Variants in ITFG1 observed in about 807,000 individuals in gnomAD.
ITFG1 encodes T-cell immunomodulatory protein.
In ITFG1, 34 loss-of-function variants were observed where a neutral mutation model predicts 81.8. The observed-to-expected ratio is 0.42, with a 90% CI of 0.32 to 0.55. The LOEUF (loss-of-function observed/expected upper bound fraction) is 0.55. ITFG1 is among the 20% of genes least tolerant of loss of function. The probability of loss-of-function intolerance (pLI) is 0.17; values close to 1 mark genes in which losing one functional copy is unlikely to be tolerated. For missense variants in ITFG1, 672 were observed against 755.4 expected (o/e 0.89, Z 1.29); for synonymous variants, 285 against 270.6 (o/e 1.05, Z -0.52).
chr16:47,176,364 A>T (rs769412078), intron 14 of ITFG1, among the ~76,000 whole-genome samples: 1 of 150,348 alleles, frequency 6.7e-6, no homozygotes, highest in African/African-American at 2.4e-5. Context: ...ATAAAAGACA[A>T]TTTTTTTTTT....
At chr16:47,396,820 T>C (rs1290304922) in intron 6 of ITFG1, among the ~76,000 whole-genome samples, 1 of 152,062 alleles carries the variant, frequency 6.6e-6, no homozygotes, top group East Asian at 1.9e-4. Flanking sequence ...AGAGTGGCTA[T>C]GTGACTGGTG....
intron 10 of ITFG1, among the ~76,000 whole-genome samples, chr16:47,272,170 T>C (rs1488358876): frequency 6.6e-6 from 1 of 152,160 alleles, no homozygotes; most frequent in Non-Finnish European, 1.5e-5. Context: ...GTAACACATA[T>C]TGTATAACTG....
intron 17 of ITFG1, among the ~76,000 whole-genome samples, chr16:47,157,785 A>G (rs374433849): frequency 6.6e-6 from 1 of 152,222 alleles, no homozygotes; most frequent in African/African-American, 2.4e-5. Flanking sequence ...AAACACGGTA[A>G]TTCTAGCAAA....
chr16:47,351,178 A>C (rs980656372), intron 8 of ITFG1, among the ~76,000 whole-genome samples: 70 of 152,224 alleles, frequency 4.6e-4, no homozygotes, highest in Non-Finnish European at 7.1e-4. Context: ...TCTCACCACT[A>C]ATATTCAACA....
chr16:47,180,419 C>T (rs557112152), intron 14 of ITFG1, among the ~76,000 whole-genome samples: 5 of 152,120 alleles, frequency 3.3e-5, no homozygotes, highest in Non-Finnish European at 2.9e-5. Context: ...TCCACGGTCT[C>T]CCTCTGATGC....
intron 12 of ITFG1, among the ~76,000 whole-genome samples, chr16:47,254,226 T>A (rs191451909): frequency 2.1e-4 from 32 of 152,062 alleles, no homozygotes; most frequent in Non-Finnish European, 4.1e-4. Flanking sequence ...GTTTTTGTAA[T>A]TAAAAAAAAT....
At chr16:47,255,353 AT>A (rs1966127726) in intron 12 of ITFG1, among the ~76,000 whole-genome samples, 1 of 152,118 alleles carries the variant, frequency 6.6e-6, no homozygotes, top group Admixed American at 6.5e-5. Context: ...AGCCTGAGAA[AT>A]TACGTAAATT....
In ITFG1 at chr16:47,460,935, G is replaced by A. The variant is rs1196327308; in HGVS notation, c.111C>T (p.Val37=). ...GPVPARALHN[V]TAELFGAEAW... is the part of the protein sequence containing the mutation. Reference sequence around the variant, plus strand: ...CCTCGGCCCCAAAGAGCTCGGCCGTGACGTTGTGCAGCGCCCGCGCTGGGA... The same window carrying A: ...CCTCGGCCCCAAAGAGCTCGGCCGTAACGTTGTGCAGCGCCCGCGCTGGGA... Residue 37 remains valine, a synonymous_variant, in exon 1 of 18, where the codon GTC becomes GTT. Coordinates refer to ENST00000320640, the MANE Select transcript of ITFG1 (RefSeq NM_030790.5). The A allele has an allele frequency of 6.2e-7, 1 of 1,612,182 alleles. No individual in the cohort carries two copies.
At chr16:47,368,368 A>G (rs1968205496) in intron 7 of ITFG1, among the ~76,000 whole-genome samples, 1 of 151,800 alleles carries the variant, frequency 6.6e-6, no homozygotes, top group African/African-American at 2.4e-5. Flanking sequence ...CCTGGCCAAC[A>G]TGATGAAACC....
At chr16:47,261,070 C>T (rs562162966) in intron 10 of ITFG1, among the ~76,000 whole-genome samples, 2 of 152,302 alleles carry the variant, frequency 1.3e-5, no homozygotes, top group East Asian at 1.9e-4. Context: ...ACTAGAATGT[C>T]TCATAAACTC....
chr16:47,338,220 G>A (rs1333309396), intron 8 of ITFG1, among the ~76,000 whole-genome samples: 1 of 152,184 alleles, frequency 6.6e-6, no homozygotes, highest in Non-Finnish European at 1.5e-5. Flanking sequence ...GAACTGCCTG[G>A]CCAACATGGT....
At chr16:47,213,814 G>A (rs969726784) in intron 14 of ITFG1, among the ~76,000 whole-genome samples, 2 of 152,118 alleles carry the variant, frequency 1.3e-5, no homozygotes, top group African/African-American at 4.8e-5. Flanking sequence ...CTTACCTTAT[G>A]TATTTCTTCA....
intron 10 of ITFG1, among the ~76,000 whole-genome samples, chr16:47,305,121 A>C (rs1387534341): frequency 2.0e-5 from 3 of 152,210 alleles, no homozygotes; most frequent in Non-Finnish European, 4.4e-5. Flanking sequence ...TGTATAAGTA[A>C]TGAAATTTAC....
At chr16:47,201,207 AT>A (rs765492131) in intron 14 of ITFG1, among the ~76,000 whole-genome samples, 13,260 of 139,708 alleles carry the variant, frequency 0.095, 919 homozygotes, top group African/African-American at 0.24. Context: ...ATTTAGGAGA[AT>A]TTTTTTTTTT....
At chr16:47,402,059 C>T (rs1024482582) in intron 6 of ITFG1, among the ~76,000 whole-genome samples, 2 of 152,134 alleles carry the variant, frequency 1.3e-5, no homozygotes, top group Non-Finnish European at 2.9e-5. Context: ...AGGGCAGAGA[C>T]GTCTAGTTTT....
rs541734714 is a variant in ITFG1 at position 47,353,417 on chromosome 16, A to G, written c.802+12371T>C. 2.0e-5 allele frequency among the ~76,000 whole-genome samples: 3 copies of G among 152,258 alleles called. No individual in the cohort carries two copies. The East Asian group carries it at 5.8e-4, about 29-fold the overall frequency. ...TGTACCTCAACACAATAAAAACCAT[A>G]TATGACAAACCTACAGCTAACATCA... On this transcript the variant is annotated intron_variant, in intron 8 of 17. Transcript: ENST00000320640.
At chr16:47,200,701 C>A (rs889697148) in intron 14 of ITFG1, among the ~76,000 whole-genome samples, 1 of 152,120 alleles carries the variant, frequency 6.6e-6, no homozygotes, top group African/African-American at 2.4e-5. Flanking sequence ...TAAGATTTCT[C>A]AGGCTCTTTG....
At chr16:47,434,875 G>A (rs767493454) in intron 5 of ITFG1, among the ~76,000 whole-genome samples, 4 of 152,200 alleles carry the variant, frequency 2.6e-5, no homozygotes, top group Non-Finnish European at 5.9e-5. Flanking sequence ...GTCCTCTGCA[G>A]GGACATGAAT....
chr16:47,347,503 G>A (rs1453700222), intron 8 of ITFG1, among the ~76,000 whole-genome samples: 1 of 152,354 alleles, frequency 6.6e-6, no homozygotes, highest in Middle Eastern at 3.4e-3. Context: ...CGGGAGGGGC[G>A]CCCACCATTG....
Sources: allele counts gnomAD v4.1 joint callset (sites outside exome capture counted in the v4.1 genomes callset), GRCh38; gene constraint gnomAD v4.1.1; transcripts MANE v1.5; gene names NCBI Gene and HGNC (gene_info 2026-07-23, HGNC 2026-07-21).